PCSK6: variants seen among roughly 807,000 people sequenced by gnomAD.
The protein encoded by PCSK6 is proprotein convertase subtilisin/kexin type 6.
In PCSK6, 85 loss-of-function variants were observed where a neutral mutation model predicts 123.3. That is an observed-to-expected ratio of 0.69 (90% CI 0.58 to 0.83). The LOEUF is 0.83. PCSK6 is among the 40% of genes least tolerant of loss of function. PCSK6 has a pLI of 0.00. For missense variants in PCSK6, 1,191 were observed against 1,282.3 expected (o/e 0.93, Z 1.09); for synonymous variants, 508 against 516.0 (o/e 0.98, Z 0.21).
chr15:101,459,297 G>C (rs931902786), intron 1 of PCSK6, among the ~76,000 whole-genome samples: 1 of 152,144 alleles, frequency 6.6e-6, no homozygotes, highest in Non-Finnish European at 1.5e-5. Context: ...TTGCCCAGCT[G>C]TAAGTGTCCA....
At chr15:101,344,055 G>A (rs181020373) in intron 13 of PCSK6, among the ~76,000 whole-genome samples, 6 of 151,246 alleles carry the variant, frequency 4.0e-5, no homozygotes, top group East Asian at 3.9e-4. Flanking sequence ...CAGCCTGTGC[G>A]ACAGAACAAG....
chr15:101,405,224 G>A (rs534119063), intron 6 of PCSK6, among the ~76,000 whole-genome samples: 57 of 152,198 alleles, frequency 3.7e-4, no homozygotes, highest in Admixed American at 9.8e-4. Context: ...GAAAAGAAAG[G>A]CCCATTTACT....
intron 6 of PCSK6, among the ~76,000 whole-genome samples, chr15:101,409,356 C>T (rs540734672): frequency 3.9e-5 from 6 of 152,134 alleles, no homozygotes; most frequent in South Asian, 2.1e-4. Flanking sequence ...GCGGCCGAGG[C>T]GGGCGGATCA....
chr15:101,422,027 G>C (rs868175375), intron 6 of PCSK6, among the ~76,000 whole-genome samples: 1 of 152,198 alleles, frequency 6.6e-6, no homozygotes, highest in South Asian at 2.1e-4. Context: ...AAGGGCAGAG[G>C]TAGGCAGGGG....
intron 13 of PCSK6, among the ~76,000 whole-genome samples, chr15:101,335,440 T>C (rs1351933966): frequency 6.6e-6 from 1 of 152,248 alleles, no homozygotes; most frequent in Non-Finnish European, 1.5e-5. Context: ...TATACAAGGA[T>C]GGCTCAGAAA....
At chr15:101,310,390 G>A (rs2039828382) in intron 20 of PCSK6, among the ~76,000 whole-genome samples, 1 of 152,238 alleles carries the variant, frequency 6.6e-6, no homozygotes, top group Non-Finnish European at 1.5e-5. Context: ...GCCTGCAGGG[G>A]TCCAGTTGCA....
chr15:101,389,360 C>T (rs1251778816), intron 9 of PCSK6, 104 bp downstream of exon 9: 54 of 860,504 alleles, frequency 6.3e-5, no homozygotes, highest in Non-Finnish European at 7.4e-5. Context: ...TGCTTAATGC[C>T]GCTGAGCTGT....
At chr15:101,477,663 T>C (rs1327348738) in intron 1 of PCSK6, among the ~76,000 whole-genome samples, 2 of 152,248 alleles carry the variant, frequency 1.3e-5, no homozygotes, top group East Asian at 1.9e-4. Context: ...TTCTGTATTA[T>C]ACTGAGAGGA....
chr15:101,311,146 C>T (rs767108298), intron 20 of PCSK6, among the ~76,000 whole-genome samples: 2 of 151,960 alleles, frequency 1.3e-5, no homozygotes, highest in Non-Finnish European at 1.5e-5. Flanking sequence ...GAGTCTTGCT[C>T]TGTCGCTCAT....
chr15:101,428,900 T>C (rs1164279097), intron 5 of PCSK6, among the ~76,000 whole-genome samples: 2 of 152,100 alleles, frequency 1.3e-5, no homozygotes, highest in Admixed American at 6.6e-5. Flanking sequence ...CACTGCGTGG[T>C]ATGTGGGTCA....
chr15:101,316,751 GCCA>G (rs2039997358), intron 19 of PCSK6, among the ~76,000 whole-genome samples: 1 of 152,142 alleles, frequency 6.6e-6, no homozygotes, highest in Non-Finnish European at 1.5e-5. Flanking sequence ...ACTGGCCTTG[GCCA>G]CAGCCTTGTT....
chr15:101,384,247 T>C, intron 10 of PCSK6, 75 bp downstream of exon 10: 1 of 1,569,852 alleles, frequency 6.4e-7, no homozygotes, highest in Non-Finnish European at 8.7e-7. Context: ...GGAGAGTCCT[T>C]TTAAGGAATT....
intron 13 of PCSK6, chr15:101,346,754 T>C (rs977105131): frequency 1.6e-6 from 2 of 1,229,438 alleles, no homozygotes; most frequent in Admixed American, 4.2e-5. Context: ...ATGTTTAGTA[T>C]TTTATTTGCA....
chr15:101,394,368 TC>T (rs1227845617), intron 7 of PCSK6, among the ~76,000 whole-genome samples: 7 of 152,168 alleles, frequency 4.6e-5, no homozygotes, highest in Admixed American at 4.6e-4. Context: ...CTCCGCTCTA[TC>T]CCATACCCAC....
intron 6 of PCSK6, among the ~76,000 whole-genome samples, chr15:101,424,702 T>C (rs910623591): frequency 6.6e-6 from 1 of 152,240 alleles, no homozygotes; most frequent in Non-Finnish European, 1.5e-5. Context: ...TGTGGGTTTA[T>C]AACATGTGAA....
In PCSK6 at chr15:101,413,187, C is replaced by T. The variant is rs540246506; in HGVS notation, c.824-14611G>A. 4.6e-5 allele frequency among the ~76,000 whole-genome samples: 7 copies of T among 152,292 alleles called. No homozygotes were observed. In the South Asian group the frequency reaches 1.2e-3, roughly 27 times the overall value. Reference sequence around the variant, plus strand: ...CATTTGATGGTTGAAGCAAAAATTACAACACTGTCTGATGTGGTTCTAAAT... The same window carrying T: ...CATTTGATGGTTGAAGCAAAAATTATAACACTGTCTGATGTGGTTCTAAAT... On this transcript the variant is annotated intron_variant, in intron 6 of 21. Coordinates refer to ENST00000611716, the MANE Select transcript of PCSK6 (RefSeq NM_002570.5).
At chr15:101,335,713 G>A (rs531961686) in intron 13 of PCSK6, among the ~76,000 whole-genome samples, 191 of 152,312 alleles carry the variant, frequency 1.3e-3, no homozygotes, top group African/African-American at 4.4e-3. Context: ...ACTCATGGAC[G>A]TTTAGGTTGT....
intron 15 of PCSK6, among the ~76,000 whole-genome samples, chr15:101,328,905 C>T (rs911562202): frequency 3.3e-5 from 5 of 152,374 alleles, no homozygotes; most frequent in African/African-American, 7.2e-5. Flanking sequence ...TTGCTGTCCA[C>T]GTGGTCCCAA....
At chr15:101,477,530 A>C (rs922762761) in intron 1 of PCSK6, among the ~76,000 whole-genome samples, 23 of 152,340 alleles carry the variant, frequency 1.5e-4, no homozygotes, top group African/African-American at 5.5e-4. Flanking sequence ...CAGAATCACA[A>C]AACAAAAAGT....
Sources: gnomAD v4.1 joint callset for allele counts (sites outside exome capture counted in the v4.1 genomes callset) on GRCh38, gnomAD v4.1.1 for gene constraint, MANE v1.5 for transcripts, NCBI Gene and HGNC (gene_info 2026-07-23, HGNC 2026-07-21) for gene names.